The following RTN1 variants were observed in gnomAD, a reference collection of about 807,000 sequenced individuals.
RTN1 encodes reticulon 1, also known as reticulon-1.
RTN1 carries 25 observed loss-of-function variants against 65.5 expected under a neutral mutation model. The observed-to-expected ratio is 0.38, with a 90% CI of 0.28 to 0.53. The LOEUF (loss-of-function observed/expected upper bound fraction) is 0.53. RTN1 is among the 20% of genes least tolerant of loss of function. RTN1 has a pLI of 0.79. For synonymous variants in RTN1, 471 were observed against 447.6 expected, an observed-to-expected ratio of 1.05 and a Z score of -0.66; for missense variants, 983 against 1,025.4, an observed-to-expected ratio of 0.96 and a Z score of 0.57.
intron 3 of RTN1, among the ~76,000 whole-genome samples, chr14:59,700,683 C>T (rs1210925509): frequency 6.6e-6 from 1 of 152,066 alleles, no homozygotes; most frequent in African/African-American, 2.4e-5. Context: ...AAAAGTTGAG[C>T]TTCTATCTCA....
At chr14:59,824,066 T>C (rs953614054) in intron 1 of RTN1, among the ~76,000 whole-genome samples, 3 of 152,244 alleles carry the variant, frequency 2.0e-5, no homozygotes, top group Non-Finnish European at 2.9e-5. Context: ...ATGTCAAACA[T>C]ACCCACCTCT....
chr14:59,743,975 GTT>G (rs936224861), intron 2 of RTN1, among the ~76,000 whole-genome samples: 2 of 152,176 alleles, frequency 1.3e-5, no homozygotes, highest in African/African-American at 4.8e-5. Context: ...TGTAGAAAGT[GTT>G]TGTTGCGTGA....
chr14:59,659,365 A>G (rs935405986), intron 3 of RTN1, among the ~76,000 whole-genome samples: 15 of 152,214 alleles, frequency 9.9e-5, no homozygotes, highest in Non-Finnish European at 1.2e-4. Context: ...GCAGGCCAAC[A>G]TTCAAATTCA....
intron 3 of RTN1, among the ~76,000 whole-genome samples, chr14:59,703,795 T>C (rs1261233181): frequency 6.6e-6 from 1 of 152,184 alleles, no homozygotes; most frequent in Non-Finnish European, 1.5e-5. Flanking sequence ...TATCTATCTA[T>C]CTATATGGAA....
chr14:59,730,780 G>A lies in RTN1; in HGVS notation c.1016-3112C>T, dbSNP rs138675112. Among the ~76,000 whole-genome samples the A allele has an allele frequency of 3.7e-4, 56 of 152,218 alleles. No homozygotes were observed. The East Asian group carries it at 6.9e-3, about 19-fold the overall frequency. The stretch of plus-strand genomic sequence containing the variant: ...ACATCATTATTCACCAGAGAAATGC[G>A]AATCAAAACTACTGTGAGATACTAC... On this transcript the variant is annotated intron_variant, in intron 2 of 8. Coordinates refer to ENST00000267484, the MANE Select transcript of RTN1 (RefSeq NM_021136.3).
At chr14:59,726,682 A>T (rs1884767364) in intron 3 of RTN1, among the ~76,000 whole-genome samples, 1 of 152,152 alleles carries the variant, frequency 6.6e-6, no homozygotes, top group Non-Finnish European at 1.5e-5. Flanking sequence ...ATTATTAGGG[A>T]GGCTGGGTTC....
intron 5 of RTN1, 68 bp downstream of exon 5, chr14:59,605,300 T>C: frequency 1.3e-6 from 2 of 1,515,518 alleles, no homozygotes; most frequent in Non-Finnish European, 1.8e-6. Flanking sequence ...ATGTAGCAGT[T>C]TACAGTATTA....
chr14:59,755,029 T>G (rs1386006949), intron 1 of RTN1, among the ~76,000 whole-genome samples: 1 of 152,172 alleles, frequency 6.6e-6, no homozygotes, highest in East Asian at 1.9e-4. Context: ...GAGGGTTAAG[T>G]GCCTACAGAT....
chr14:59,653,162 AG>A (rs1451902199), intron 3 of RTN1, among the ~76,000 whole-genome samples: 2 of 152,186 alleles, frequency 1.3e-5, no homozygotes, highest in Admixed American at 1.3e-4. Flanking sequence ...TTTGGAAAGG[AG>A]GAAGTAAAAA....
Position 59,694,981 on chromosome 14 carries a change from C to T in RTN1, c.1765+31938G>A, listed in dbSNP as rs1025758119. Among the ~76,000 whole-genome samples, 5 of 152,178 alleles carry T rather than the reference C, an allele frequency of 3.3e-5. No individual in the cohort carries two copies. In the South Asian group the frequency reaches 8.3e-4, roughly 25 times the overall value. On this transcript the variant is annotated intron_variant, in intron 3 of 8. Coordinates refer to ENST00000267484, the MANE Select transcript of RTN1 (RefSeq NM_021136.3). ...AAAGTGGGCAGCCACAGACAAAGGA[C>T]AGACGGCATGGGGCTTCTTAGTATT...
intron 1 of RTN1, among the ~76,000 whole-genome samples, chr14:59,773,755 T>C (rs1346170576): frequency 6.6e-6 from 1 of 152,160 alleles, no homozygotes; most frequent in Non-Finnish European, 1.5e-5. Context: ...CTGATTTATT[T>C]TGGCTTTTTT....
intron 3 of RTN1, among the ~76,000 whole-genome samples, chr14:59,673,532 A>T (rs2140216563): frequency 6.6e-6 from 1 of 152,224 alleles, no homozygotes; most frequent in South Asian, 2.1e-4. Flanking sequence ...GCGAGAGGGG[A>T]CCCTTCGGCA....
At chr14:59,765,309 G>A (rs1885829470) in intron 1 of RTN1, among the ~76,000 whole-genome samples, 1 of 152,190 alleles carries the variant, frequency 6.6e-6, no homozygotes. Flanking sequence ...TTTTGCTGTA[G>A]AAGTGCCTGG....
intron 3 of RTN1, among the ~76,000 whole-genome samples, chr14:59,696,628 T>C (rs1884069187): frequency 6.6e-6 from 1 of 152,118 alleles, no homozygotes. Flanking sequence ...GTCAGCAACA[T>C]ACTTCTAAAT....
intron 2 of RTN1, among the ~76,000 whole-genome samples, chr14:59,730,544 T>C (rs1193280162): frequency 1.3e-5 from 2 of 152,104 alleles, no homozygotes; most frequent in African/African-American, 4.8e-5. Context: ...CTTCAGAGAA[T>C]ACCATAGAGA....
intron 1 of RTN1, among the ~76,000 whole-genome samples, chr14:59,749,105 TATATATATATATATATATAG>T (rs1291879354): frequency 1.9e-5 from 1 of 52,148 alleles, no homozygotes; most frequent in Non-Finnish European, 3.1e-5. Context: ...TATATATCTA[TATATATATATATATATATAG>T]ATATATCTAT....
chr14:59,660,513 A>G (rs1002322430), intron 3 of RTN1, among the ~76,000 whole-genome samples: 3 of 152,214 alleles, frequency 2.0e-5, no homozygotes, highest in African/African-American at 7.2e-5. Flanking sequence ...CAGCAAATGC[A>G]AAAGAACAGA....
chr14:59,783,249 G>A (rs2040555088), intron 1 of RTN1, among the ~76,000 whole-genome samples: 1 of 152,146 alleles, frequency 6.6e-6, no homozygotes, highest in African/African-American at 2.4e-5. Context: ...TCCACTGTAT[G>A]TGCAATAAAA....
At chr14:59,833,604 AG>A (rs1190098812) in intron 1 of RTN1, among the ~76,000 whole-genome samples, 1 of 152,076 alleles carries the variant, frequency 6.6e-6, no homozygotes, top group African/African-American at 2.4e-5. Context: ...GTGTCCTGGG[AG>A]TTTGGTGTAC....
Sources: gnomAD v4.1 joint callset for allele counts (sites outside exome capture counted in the v4.1 genomes callset) on GRCh38, gnomAD v4.1.1 for gene constraint, MANE v1.5 for transcripts, NCBI Gene and HGNC (gene_info 2026-07-23, HGNC 2026-07-21) for gene names.